The following CDH4 variants were observed in gnomAD, a reference collection of about 807,000 sequenced individuals.
CDH4 encodes cadherin 4, also known as cadherin-4.
Under a neutral mutation model 86.0 loss-of-function variants are expected in CDH4, and 33 were observed. That is an observed-to-expected ratio of 0.38 (90% CI 0.29 to 0.51). The LOEUF (loss-of-function observed/expected upper bound fraction) is 0.51. Ranked by LOEUF, CDH4 falls within the 20% of genes least tolerant of loss-of-function variation. CDH4 has a pLI of 0.86. For synonymous variants in CDH4, 555 were observed against 549.4 expected (o/e 1.01, Z -0.14); for missense variants, 1,114 against 1,307.4 (o/e 0.85, Z 2.28).
intron 2 of CDH4, among the ~76,000 whole-genome samples, chr20:61,307,007 A>G (rs1402551481): frequency 6.6e-6 from 1 of 152,226 alleles, no homozygotes; most frequent in African/African-American, 2.4e-5. Flanking sequence ...TTTGCCATAC[A>G]AAAGAATTTG....
At chr20:61,631,206 C>A (rs2086884847) in intron 2 of CDH4, among the ~76,000 whole-genome samples, 1 of 152,212 alleles carries the variant, frequency 6.6e-6, no homozygotes, top group South Asian at 2.1e-4. Flanking sequence ...GACTCTCCCA[C>A]CGTGATGGCT....
rs552796194 is a variant in CDH4 at position 61,516,160 on chromosome 20, C to T, written c.170-227403C>T. 6.6e-5 allele frequency among the ~76,000 whole-genome samples: 10 copies of T among 152,298 alleles called. No individual in the cohort carries two copies. Among genetic ancestry groups the T allele is most frequent in the East Asian group, 1.9e-4 (1 of 5,180 alleles). ...TAATTCTGCAGCCAGGCCCTTGGGC[C>T]GTGGGCCGGAGGGGACGCTGGCCAC... On this transcript the variant is annotated intron_variant, in intron 2 of 15. Coordinates refer to ENST00000614565, the MANE Select transcript of CDH4 (RefSeq NM_001794.5). The surrounding 1 kb of genome is among the most constrained non-coding windows in gnomAD (Gnocchi z 4.0).
At chr20:61,731,511 C>A (rs142664344) in intron 2 of CDH4, among the ~76,000 whole-genome samples, 4 of 152,100 alleles carry the variant, frequency 2.6e-5, no homozygotes, top group African/African-American at 4.8e-5. Flanking sequence ...CTGGGCAGGT[C>A]CCCCCCAGGT....
intron 2 of CDH4, among the ~76,000 whole-genome samples, chr20:61,530,785 A>C (rs6061606): frequency 2.6e-5 from 4 of 151,932 alleles, no homozygotes; most frequent in African/African-American, 9.7e-5. Flanking sequence ...GAGTGAGGGC[A>C]GTCCTGCCCT....
intron 4 of CDH4, 125 bp downstream of exon 4, chr20:61,773,307 T>C: frequency 1.1e-6 from 1 of 928,962 alleles, no homozygotes; most frequent in East Asian, 2.7e-5. Context: ...TTTCACCCTT[T>C]CTGTAATGAG....
chr20:61,602,108 G>C (rs2086605867), intron 2 of CDH4, among the ~76,000 whole-genome samples: 1 of 152,180 alleles, frequency 6.6e-6, no homozygotes. Context: ...CATACTGGGG[G>C]CTGCTGGCGA....
chr20:61,380,523 A>ACCCCCCCCCCCCC (rs141105277), intron 2 of CDH4, among the ~76,000 whole-genome samples: 6 of 148,962 alleles, frequency 4.0e-5, no homozygotes, highest in African/African-American at 7.5e-5. Context: ...CCATCCTACA[A>ACCCCCCCCCCCCC]ACCCCCCTGC....
intron 9 of CDH4, among the ~76,000 whole-genome samples, chr20:61,916,240 G>T (rs373372044): frequency 1.3e-5 from 2 of 152,048 alleles, no homozygotes; most frequent in South Asian, 4.2e-4. Context: ...CCAGTGCAGG[G>T]ACCCCATGGC....
intron 2 of CDH4, among the ~76,000 whole-genome samples, chr20:61,353,054 C>G (rs1019666022): frequency 1.3e-5 from 2 of 152,158 alleles, no homozygotes; most frequent in Non-Finnish European, 2.9e-5. Flanking sequence ...CTCTTAGCTC[C>G]GCAGGTTTCT....
chr20:61,401,851 C>T (rs994445870), intron 2 of CDH4, among the ~76,000 whole-genome samples: 1 of 152,150 alleles, frequency 6.6e-6, no homozygotes, highest in South Asian at 2.1e-4. Flanking sequence ...GGAACGGAGG[C>T]CCATGAAAGA....
chr20:61,723,370 G>A (rs62197829), intron 2 of CDH4, among the ~76,000 whole-genome samples: 50,151 of 151,876 alleles, frequency 0.33, 9,365 homozygotes, highest in South Asian at 0.43. Flanking sequence ...AGCACCGTGC[G>A]CCATGGGGCA....
chr20:61,518,964 TTATC>T lies in CDH4; in HGVS notation c.170-224598_170-224595del, dbSNP rs959974146. On this transcript the variant is annotated intron_variant, in intron 2 of 15. Coordinates refer to ENST00000614565, the MANE Select transcript of CDH4 (RefSeq NM_001794.5). The surrounding 1 kb of genome is among the most constrained non-coding windows in gnomAD (Gnocchi z 6.3). ...ATTCATTCATCTATCCATCCATTAT[TTATC>T]CATCCATCCATCCTTCATCCATCCA... is the stretch of plus-strand genomic sequence containing the variant. Among the ~76,000 whole-genome samples the T allele has an allele frequency of 2.6e-5, 4 of 152,044 alleles. No homozygotes were observed. Among genetic ancestry groups the T allele is most frequent in the African/African-American group, 9.6e-5 (4 of 41,482 alleles).
intron 2 of CDH4, among the ~76,000 whole-genome samples, chr20:61,723,283 G>A (rs1383038062): frequency 6.6e-6 from 1 of 152,178 alleles, no homozygotes; most frequent in Non-Finnish European, 1.5e-5. Flanking sequence ...GCCTCACTGG[G>A]TGAGGAGCCC....
intron 2 of CDH4, among the ~76,000 whole-genome samples, chr20:61,408,843 C>T (rs1038120524): frequency 2.6e-5 from 4 of 152,148 alleles, no homozygotes; most frequent in Admixed American, 1.3e-4. Context: ...CTTTGCGATC[C>T]TCAGTACCCC....
chr20:61,889,534 T>G (rs889407297), intron 7 of CDH4, among the ~76,000 whole-genome samples: 2 of 149,846 alleles, frequency 1.3e-5, no homozygotes, highest in Non-Finnish European at 3.0e-5. Context: ...GATGAGTAAG[T>G]GGATGGTGGA....
At chr20:61,595,981 C>T (rs1025087880) in intron 2 of CDH4, among the ~76,000 whole-genome samples, 2 of 152,234 alleles carry the variant, frequency 1.3e-5, no homozygotes, top group African/African-American at 4.8e-5. Context: ...CTCTCAGCTG[C>T]ACATTGCCCC....
intron 2 of CDH4, among the ~76,000 whole-genome samples, chr20:61,463,461 C>T (rs1178181145): frequency 6.6e-6 from 1 of 152,224 alleles, no homozygotes; most frequent in South Asian, 2.1e-4. Flanking sequence ...ATGCCTAGGA[C>T]TCTAACCCAG....
intron 2 of CDH4, among the ~76,000 whole-genome samples, chr20:61,662,678 GTGTC>G (rs1466689471): frequency 2.0e-5 from 3 of 152,200 alleles, no homozygotes; most frequent in Non-Finnish European, 4.4e-5. Context: ...GGAACGGACA[GTGTC>G]TGAGGTGAAG....
intron 2 of CDH4, among the ~76,000 whole-genome samples, chr20:61,354,925 A>G (rs1441150737): frequency 6.6e-6 from 1 of 152,212 alleles, no homozygotes; most frequent in Non-Finnish European, 1.5e-5. Flanking sequence ...ACCTAAGAGC[A>G]TCCTCTTAAT....
Sources: allele counts gnomAD v4.1 joint callset (sites outside exome capture counted in the v4.1 genomes callset), GRCh38; gene constraint gnomAD v4.1.1; non-coding constraint Gnocchi (gnomAD v3.1); transcripts MANE v1.5; gene names NCBI Gene and HGNC (gene_info 2026-07-23, HGNC 2026-07-21).